RAPGEF4: variants seen among roughly 807,000 people sequenced by gnomAD.
RAPGEF4 encodes Rap guanine nucleotide exchange factor 4, also known as RAP guanine-nucleotide-exchange factor (GEF) 4.
A neutral mutation model predicts 147.9 loss-of-function variants in RAPGEF4; 66 were observed. That is an observed-to-expected ratio of 0.45 (90% CI 0.37 to 0.55). RAPGEF4 has a LOEUF of 0.55. Among genes scored for constraint, RAPGEF4 ranks in the 20% least tolerant of loss-of-function variants. The probability of loss-of-function intolerance (pLI) is 0.00; values close to 1 mark genes in which losing one functional copy is unlikely to be tolerated. For missense variants in RAPGEF4, 1,071 were observed against 1,257.3 expected (o/e 0.85, Z 2.24); for synonymous variants, 419 against 442.7 (o/e 0.95, Z 0.67).
chr2:173,011,184 A>G (rs916356283), intron 17 of RAPGEF4, among the ~76,000 whole-genome samples: 11 of 151,870 alleles, frequency 7.2e-5, no homozygotes, highest in African/African-American at 2.2e-4. Context: ...ACACACACAC[A>G]CACACACACA....
intron 1 of RAPGEF4, among the ~76,000 whole-genome samples, chr2:172,764,575 T>C (rs1330264183): frequency 6.6e-6 from 1 of 152,196 alleles, no homozygotes; most frequent in Admixed American, 6.5e-5. Context: ...AGGGTAGCAG[T>C]GAGTCCAGAT....
intron 6 of RAPGEF4, among the ~76,000 whole-genome samples, chr2:172,959,691 T>C (rs1360986000): frequency 1.3e-5 from 2 of 152,242 alleles, no homozygotes; most frequent in African/African-American, 2.4e-5. Flanking sequence ...ACCAGATTAT[T>C]TCAGAGCAAG....
intron 1 of RAPGEF4, among the ~76,000 whole-genome samples, chr2:172,742,520 A>G (rs1473047451): frequency 1.3e-5 from 2 of 152,134 alleles, no homozygotes; most frequent in East Asian, 3.8e-4. Flanking sequence ...AGTGTTATAT[A>G]TTTCCATAAT....
intron 29 of RAPGEF4, among the ~76,000 whole-genome samples, chr2:173,043,580 G>A (rs193045427): frequency 3.3e-5 from 5 of 152,326 alleles, no homozygotes; most frequent in Admixed American, 2.6e-4. Context: ...TTGGACTAGG[G>A]CACAAGAGTC....
intron 6 of RAPGEF4, among the ~76,000 whole-genome samples, chr2:172,955,399 C>G (rs1688623319): frequency 6.6e-6 from 1 of 152,184 alleles, no homozygotes; most frequent in South Asian, 2.1e-4. Context: ...CATCCCCTTT[C>G]CAGAAACAAA....
intron 1 of RAPGEF4, among the ~76,000 whole-genome samples, chr2:172,765,008 G>C (rs1391437793): frequency 6.6e-6 from 1 of 152,206 alleles, no homozygotes; most frequent in Non-Finnish European, 1.5e-5. Flanking sequence ...CTGGAGGCTA[G>C]AAATCTGAAA....
chr2:172,761,141 T>C (rs145006726), intron 1 of RAPGEF4, among the ~76,000 whole-genome samples: 4,258 of 151,008 alleles, frequency 0.028, 226 homozygotes, highest in African/African-American at 0.097. Context: ...TTTTTTTTGT[T>C]TTAGACGGAG....
chr2:172,903,699 A>G (rs1470803348), intron 4 of RAPGEF4, among the ~76,000 whole-genome samples: 3 of 90,164 alleles, frequency 3.3e-5, no homozygotes, highest in African/African-American at 4.6e-5. Flanking sequence ...AAGAGACCCT[A>G]TGGATACTGT....
intron 1 of RAPGEF4, among the ~76,000 whole-genome samples, chr2:172,794,370 A>G (rs1686160148): frequency 6.6e-6 from 1 of 151,884 alleles, no homozygotes; most frequent in East Asian, 1.9e-4. Flanking sequence ...AAAAAAGAAA[A>G]AAGAAAAAAG....
chr2:173,007,519 A>T (rs965640309), intron 17 of RAPGEF4, among the ~76,000 whole-genome samples: 1 of 152,200 alleles, frequency 6.6e-6, no homozygotes, highest in Non-Finnish European at 1.5e-5. Context: ...TCCAGAGAAG[A>T]ATCAGTAATA....
intron 27 of RAPGEF4, 61 bp from the exon 28 acceptor site, chr2:173,036,064 G>T (rs1683964294): frequency 8.1e-7 from 1 of 1,237,050 alleles, no homozygotes; most frequent in Non-Finnish European, 1.2e-6. Flanking sequence ...TGTATTAGGA[G>T]GTAACAAAGG....
At chr2:172,987,032 G>A (rs999295440) in intron 12 of RAPGEF4, among the ~76,000 whole-genome samples, 1 of 152,166 alleles carries the variant, frequency 6.6e-6, no homozygotes, top group East Asian at 1.9e-4. Context: ...AATTATACAC[G>A]CTGGGTGCAG....
chr2:172,995,245 T>TTGTA (rs1480501295), intron 15 of RAPGEF4, among the ~76,000 whole-genome samples: 2 of 138,590 alleles, frequency 1.4e-5, no homozygotes, highest in African/African-American at 5.5e-5. Flanking sequence ...ACTTGCCTGT[T>TTGTA]TGTGTGTGTG....
At chr2:172,916,235 C>T (rs1684056417) in intron 4 of RAPGEF4, among the ~76,000 whole-genome samples, 1 of 152,172 alleles carries the variant, frequency 6.6e-6, no homozygotes, top group Non-Finnish European at 1.5e-5. Flanking sequence ...ATTAAGGTGC[C>T]TGAGACAAAG....
At position 172,917,653 on chromosome 2, in the gene RAPGEF4, G is replaced by C. The variant is rs1684214676; in HGVS notation, c.445-149G>C. The C allele has an allele frequency of 1.4e-5, 10 of 705,508 alleles. No homozygotes were observed. In the Admixed American group the frequency reaches 2.0e-4, roughly 14 times the overall value. 43.7% of individuals were successfully genotyped at this position (705,508 alleles called of 1,614,324 possible). On this transcript the variant is annotated intron_variant, in intron 4 of 30. Transcript: ENST00000397081. ...AACACAACATCTTTATTTCAGACCA[G>C]AGACCCCGGAGAACACGTTTCATGG...
At chr2:172,967,552 C>T in intron 10 of RAPGEF4, 108 bp downstream of exon 10, 1 of 1,204,992 alleles carries the variant, frequency 8.3e-7, no homozygotes, top group Non-Finnish European at 1.1e-6. Flanking sequence ...GGCCATCCCC[C>T]ATGGAACAAA....
chr2:172,850,866 A>G (rs1006211315), intron 4 of RAPGEF4, among the ~76,000 whole-genome samples: 6 of 152,036 alleles, frequency 3.9e-5, no homozygotes, highest in African/African-American at 1.2e-4. Context: ...CAGTCTATCT[A>G]TCTTATTAAT....
At chr2:173,032,679 C>G (rs959305002) in intron 26 of RAPGEF4, among the ~76,000 whole-genome samples, 2 of 152,106 alleles carry the variant, frequency 1.3e-5, no homozygotes, top group Non-Finnish European at 2.9e-5. Context: ...CTTCCTGAAC[C>G]CTAACTTGAA....
chr2:172,974,823 G>T (rs1690899688), intron 10 of RAPGEF4, among the ~76,000 whole-genome samples: 1 of 152,178 alleles, frequency 6.6e-6, no homozygotes, highest in Admixed American at 6.5e-5. Flanking sequence ...ATCCATAATG[G>T]GTTAAAATGA....
Sources: gnomAD v4.1 joint callset for allele counts (sites outside exome capture counted in the v4.1 genomes callset) on GRCh38, gnomAD v4.1.1 for gene constraint, MANE v1.5 for transcripts, NCBI Gene and HGNC (gene_info 2026-07-23, HGNC 2026-07-21) for gene names.